The following RNF144A variants were observed in gnomAD, a reference collection of about 807,000 sequenced individuals.
RNF144A encodes the protein E3 ubiquitin-protein ligase RNF144A.
RNF144A carries 11 observed loss-of-function variants against 38.7 expected under a neutral mutation model. The observed-to-expected ratio is 0.28, with a 90% CI of 0.18 to 0.47. RNF144A has a LOEUF of 0.47. Ranked by LOEUF, RNF144A falls within the 20% of genes least tolerant of loss-of-function variation. RNF144A has a pLI of 0.99. For missense variants in RNF144A, 316 were observed against 377.2 expected (o/e 0.84, Z 1.34); for synonymous variants, 149 against 143.9 (o/e 1.04, Z -0.25).
chr2:6,962,346 C>T lies in RNF144A; in HGVS notation c.-12+21199C>T, dbSNP rs932207229. ...ATGGAGCCTCCATGTTGGACATGCC[C>T]GGCCCCCAGGTCACCCTTTTCTATG... On this transcript the variant is annotated intron_variant, in intron 2 of 8. Transcript: ENST00000320892. The surrounding 1 kb of genome is among the most constrained non-coding windows in gnomAD (Gnocchi z 4.1). Among the ~76,000 whole-genome samples, 6 of 152,152 alleles carry T rather than the reference C, an allele frequency of 3.9e-5. No individual in the cohort carries two copies. The highest frequency in any genetic ancestry group is 2.1e-4 in the South Asian group (1 of 4,824).
At chr2:6,989,388 G>A (rs1669189569) in intron 2 of RNF144A, among the ~76,000 whole-genome samples, 1 of 152,178 alleles carries the variant, frequency 6.6e-6, no homozygotes, top group Non-Finnish European at 1.5e-5. Flanking sequence ...TAAAGGGATA[G>A]TGGCTTCAGA....
chr2:6,945,175 T>G (rs1231045712), intron 2 of RNF144A, among the ~76,000 whole-genome samples: 1 of 152,268 alleles, frequency 6.6e-6, no homozygotes, highest in Non-Finnish European at 1.5e-5. Flanking sequence ...AGCTGGCCTT[T>G]AGGGCAAAGG....
intron 2 of RNF144A, among the ~76,000 whole-genome samples, chr2:6,980,630 G>A (rs1668573177): frequency 6.6e-6 from 1 of 152,236 alleles, no homozygotes; most frequent in African/African-American, 2.4e-5. Flanking sequence ...CGCTGCAGCT[G>A]CTTTCATAGG....
At chr2:6,990,827 G>C (rs1420847838) in intron 2 of RNF144A, among the ~76,000 whole-genome samples, 5 of 152,066 alleles carry the variant, frequency 3.3e-5, no homozygotes, top group Non-Finnish European at 7.3e-5. Context: ...AATATTCTCT[G>C]TGCTCTGCCC....
At chr2:7,030,527 C>T (rs187320219) in intron 8 of RNF144A, among the ~76,000 whole-genome samples, 7 of 152,086 alleles carry the variant, frequency 4.6e-5, no homozygotes, top group East Asian at 3.9e-4. Flanking sequence ...TTGGTCATGA[C>T]CTGCTGACCG....
intron 2 of RNF144A, among the ~76,000 whole-genome samples, chr2:6,959,105 A>G (rs1667180047): frequency 6.6e-6 from 1 of 152,208 alleles, no homozygotes; most frequent in Non-Finnish European, 1.5e-5. Flanking sequence ...GTGAGAGGAC[A>G]GGGCCTCTGC....
At chr2:6,931,064 A>G (rs924928587) in intron 1 of RNF144A, among the ~76,000 whole-genome samples, 1 of 152,188 alleles carries the variant, frequency 6.6e-6, no homozygotes, top group Non-Finnish European at 1.5e-5. Flanking sequence ...CTGACCTGAT[A>G]CCATGCACCT....
Position 7,019,240 on chromosome 2 carries a change from A to T in RNF144A, c.302-1233A>T, listed in dbSNP as rs150310489. On this transcript the variant is annotated intron_variant, in intron 5 of 8. Coordinates refer to ENST00000320892, the MANE Select transcript of RNF144A (RefSeq NM_014746.6). ...TGTATTTGGGGAACATGGTAAACACACAGAGCCTTACACATACGTATGCGT... is the reference window on the plus strand; with the variant it reads ...TGTATTTGGGGAACATGGTAAACACTCAGAGCCTTACACATACGTATGCGT... Among the ~76,000 whole-genome samples the T allele has an allele frequency of 4.1e-3, 626 of 152,312 alleles. 7 individuals are homozygous for T. Among genetic ancestry groups the T allele is most frequent in the Non-Finnish European group, 3.7e-3 (249 of 68,038 alleles).
At chr2:6,990,498 TATATA>T (rs1158574008) in intron 2 of RNF144A, among the ~76,000 whole-genome samples, 6 of 136,018 alleles carry the variant, frequency 4.4e-5, no homozygotes, top group African/African-American at 5.5e-5. Flanking sequence ...GCATATATAT[TATATA>T]ATATATGATA....
chr2:7,056,759 C>A (rs572093162), intron 6 of RNF144A, among the ~76,000 whole-genome samples: 1 of 152,208 alleles, frequency 6.6e-6, no homozygotes, highest in Non-Finnish European at 1.5e-5. Flanking sequence ...TGGTCTCCCC[C>A]CCAGTTGTGG....
chr2:6,922,776 C>G (rs1028647497), intron 1 of RNF144A, among the ~76,000 whole-genome samples: 1 of 152,080 alleles, frequency 6.6e-6, no homozygotes, highest in Non-Finnish European at 1.5e-5. Flanking sequence ...AGGCGCCCGC[C>G]GCCACACCCT....
chr2:6,996,140 G>A (rs1177356527), intron 2 of RNF144A, among the ~76,000 whole-genome samples: 2 of 152,156 alleles, frequency 1.3e-5, no homozygotes, highest in African/African-American at 4.8e-5. Flanking sequence ...TCTGTTGGAC[G>A]TCTACCTTCT....
chr2:6,991,398 T>C (rs1425644676), intron 2 of RNF144A, among the ~76,000 whole-genome samples: 1 of 152,188 alleles, frequency 6.6e-6, no homozygotes, highest in Non-Finnish European at 1.5e-5. Flanking sequence ...AGATGTAGCT[T>C]TTCCCAGCCA....
rs973232789 is a variant in RNF144A at position 6,922,227 on chromosome 2, C to T, written c.-212+4605C>T. ...CCTTGCTCCCATGTCTTCCGAGTGA[C>T]CCATAGTTGACTGGGGCCAGCGAAC... On this transcript the variant is annotated intron_variant, in intron 1 of 8. Transcript: ENST00000320892. 4.1e-5 allele frequency among the ~76,000 whole-genome samples: 5 copies of T among 122,900 alleles called. No homozygotes were observed. In the Admixed American group the frequency reaches 4.1e-4, roughly 10 times the overall value. The allele number at this position is 122,900 out of a possible 152,430, so 80.6% of individuals were successfully genotyped here.
downstream of RNF144A, among the ~76,000 whole-genome samples, chr2:7,045,101 C>G (rs926972522): frequency 6.6e-6 from 1 of 152,244 alleles, no homozygotes; most frequent in South Asian, 2.1e-4. Flanking sequence ...CAAGTAGGAA[C>G]TAGCCAAGCA....
intron 3 of RNF144A, among the ~76,000 whole-genome samples, chr2:7,011,194 A>G (rs534367750): frequency 6.6e-6 from 1 of 152,346 alleles, no homozygotes; most frequent in East Asian, 1.9e-4. Flanking sequence ...TATGGGATAC[A>G]TATAGATAAT....
At chr2:6,972,488 G>A (rs937872946) in intron 2 of RNF144A, among the ~76,000 whole-genome samples, 3 of 152,136 alleles carry the variant, frequency 2.0e-5, no homozygotes, top group Non-Finnish European at 4.4e-5. Context: ...AGCCCCGGGG[G>A]GTTTGTTCCT....
At chr2:7,030,073 C>A in intron 7 of RNF144A, 53 bp from the exon 8 acceptor site, 1 of 1,257,760 alleles carries the variant, frequency 8.0e-7, no homozygotes, top group Non-Finnish European at 1.2e-6. Flanking sequence ...TGATACTCAC[C>A]GAACTGAGCA....
chr2:6,949,008 G>T (rs1331627724), intron 2 of RNF144A, among the ~76,000 whole-genome samples: 1 of 152,212 alleles, frequency 6.6e-6, no homozygotes, highest in Non-Finnish European at 1.5e-5. Flanking sequence ...GCTCTGGAGT[G>T]CCTGTCCATC....
Sources: allele counts gnomAD v4.1 joint callset (sites outside exome capture counted in the v4.1 genomes callset), GRCh38; gene constraint gnomAD v4.1.1; non-coding constraint Gnocchi (gnomAD v3.1); transcripts MANE v1.5; gene names NCBI Gene and HGNC (gene_info 2026-07-23, HGNC 2026-07-21).